The following CR1L variants were observed in gnomAD, a reference collection of about 807,000 sequenced individuals.
CR1L encodes complement component receptor 1-like protein.
In CR1L, 59 loss-of-function variants were observed where a neutral mutation model predicts 62.3. The observed-to-expected ratio is 0.95, with a 90% CI of 0.77 to 1.18. CR1L has a LOEUF of 1.18. Among genes scored for constraint, CR1L ranks in the 50% most tolerant of loss-of-function variants. CR1L has a pLI of 0.00. For missense variants in CR1L, 700 were observed against 702.8 expected (o/e 1.00, Z 0.04); for synonymous variants, 279 against 248.7 (o/e 1.12, Z -1.15).
chr1:207,655,707 G>A (rs1320723695), intron 1 of CR1L, among the ~76,000 whole-genome samples: 1 of 152,014 alleles, frequency 6.6e-6, no homozygotes, highest in Admixed American at 6.5e-5. Flanking sequence ...CAAAGTGCTG[G>A]GATTACAAAT....
At chr1:207,719,370 G>C (rs1654081502) in intron 11 of CR1L, among the ~76,000 whole-genome samples, 1 of 151,944 alleles carries the variant, frequency 6.6e-6, no homozygotes, top group Non-Finnish European at 1.5e-5. Flanking sequence ...ACAGGTAGCA[G>C]TAGTGGTGGT....
intron 1 of CR1L, chr1:207,652,818 G>T: frequency 3.7e-6 from 2 of 540,116 alleles, no homozygotes; most frequent in South Asian, 4.6e-5. Context: ...CCACTATGGA[G>T]ATGATGATTT....
chr1:207,664,658 A>G (rs1663485063), intron 1 of CR1L, among the ~76,000 whole-genome samples: 1 of 152,240 alleles, frequency 6.6e-6, no homozygotes, highest in Non-Finnish European at 1.5e-5. Flanking sequence ...TAAGCATTTC[A>G]TAAAGTGTTT....
At chr1:207,661,185 A>G (rs1033418920) in intron 1 of CR1L, among the ~76,000 whole-genome samples, 4 of 152,012 alleles carry the variant, frequency 2.6e-5, no homozygotes. Flanking sequence ...GCTGAGTTCA[A>G]TTCCTGGATA....
At chr1:207,662,801 A>C (rs540594577) in intron 1 of CR1L, among the ~76,000 whole-genome samples, 34 of 152,224 alleles carry the variant, frequency 2.2e-4, no homozygotes, top group African/African-American at 4.6e-4. Flanking sequence ...GTCTTTGATG[A>C]TGGTGACATA....
At chr1:207,646,173 C>T (rs1214364559) in intron 1 of CR1L, among the ~76,000 whole-genome samples, 2 of 152,156 alleles carry the variant, frequency 1.3e-5, no homozygotes, top group Non-Finnish European at 2.9e-5. Context: ...CCAATATAGA[C>T]AGTATCTGAT....
At chr1:207,714,100 G>A (rs1653916014) in intron 10 of CR1L, among the ~76,000 whole-genome samples, 1 of 152,230 alleles carries the variant, frequency 6.6e-6, no homozygotes, top group Non-Finnish European at 1.5e-5. Context: ...ATAGAAGGGT[G>A]AGGAGGGTGG....
At chr1:207,663,764 T>C (rs907728372) in intron 1 of CR1L, among the ~76,000 whole-genome samples, 7 of 152,258 alleles carry the variant, frequency 4.6e-5, no homozygotes, top group African/African-American at 1.7e-4. Flanking sequence ...TTCGGCCATC[T>C]TGGCTCCTCC....
chr1:207,720,248 C>T (rs1236205258), intron 11 of CR1L, among the ~76,000 whole-genome samples: 2 of 152,202 alleles, frequency 1.3e-5, no homozygotes, highest in Non-Finnish European at 2.9e-5. Flanking sequence ...TCTCTTTACC[C>T]TATCTAGTCT....
chr1:207,710,950 T>C, intron 10 of CR1L: 2 of 706,080 alleles, frequency 2.8e-6, no homozygotes, highest in Admixed American at 2.9e-5. Context: ...CAAGCACTCA[T>C]GCATATGTGT....
intron 1 of CR1L, among the ~76,000 whole-genome samples, chr1:207,672,297 T>A (rs1414224678): frequency 6.6e-6 from 1 of 150,554 alleles, no homozygotes; most frequent in Admixed American, 6.6e-5. Flanking sequence ...AGGGTCATCA[T>A]ATAATGATAA....
chr1:207,684,962 G>T (rs1663876977), intron 4 of CR1L, among the ~76,000 whole-genome samples: 1 of 151,966 alleles, frequency 6.6e-6, no homozygotes, highest in Non-Finnish European at 1.5e-5. Flanking sequence ...AAATGACATT[G>T]GTCACACATT....
At chr1:207,715,735 T>G (rs1048860799) in intron 10 of CR1L, among the ~76,000 whole-genome samples, 26 of 152,146 alleles carry the variant, frequency 1.7e-4, no homozygotes, top group Non-Finnish European at 5.9e-5. Flanking sequence ...TTGAGACAGT[T>G]ACCCAGGACA....
At chr1:207,700,845 A>G (rs1365472196) in intron 8 of CR1L, among the ~76,000 whole-genome samples, 1 of 152,242 alleles carries the variant, frequency 6.6e-6, no homozygotes, top group Non-Finnish European at 1.5e-5. Context: ...GACTAAATGA[A>G]TGAGTAACCC....
intron 1 of CR1L, among the ~76,000 whole-genome samples, chr1:207,660,922 C>A (rs150948215): frequency 2.0e-5 from 3 of 152,136 alleles, no homozygotes; most frequent in African/African-American, 7.2e-5. Context: ...CATTCAGGAG[C>A]GGGTTGTTCA....
chr1:207,663,028 C>CA (rs1212928278), intron 1 of CR1L, among the ~76,000 whole-genome samples: 5 of 152,148 alleles, frequency 3.3e-5, no homozygotes, highest in African/African-American at 1.2e-4. Context: ...GAGGAGTACC[C>CA]GCTGTGTGAG....
At chr1:207,717,777 CT>C in intron 11 of CR1L, 86 bp downstream of exon 11, 1 of 1,525,172 alleles carries the variant, frequency 6.6e-7, no homozygotes, top group South Asian at 1.2e-5. Context: ...GTCATTTTTG[CT>C]TGTGAAAATG....
intron 4 of CR1L, among the ~76,000 whole-genome samples, chr1:207,684,524 A>T (rs1305409423): frequency 2.6e-5 from 4 of 152,246 alleles, no homozygotes; most frequent in Non-Finnish European, 5.9e-5. Context: ...AGTAACCTAA[A>T]TATTTTAAAC....
chr1:207,649,982 A>T (rs1298817337), intron 1 of CR1L, among the ~76,000 whole-genome samples: 1 of 152,182 alleles, frequency 6.6e-6, no homozygotes, highest in Non-Finnish European at 1.5e-5. Flanking sequence ...CGGGCATTTC[A>T]GTTGTGGAAA....
Sources: allele counts gnomAD v4.1 joint callset (sites outside exome capture counted in the v4.1 genomes callset), GRCh38; gene constraint gnomAD v4.1.1; transcripts MANE v1.5; gene names NCBI Gene and HGNC (gene_info 2026-07-23, HGNC 2026-07-21).